Variants in IMPACT observed in about 807,000 individuals in gnomAD.
The protein encoded by IMPACT is protein IMPACT.
A neutral mutation model predicts 47.5 loss-of-function variants in IMPACT; 35 were observed. The observed-to-expected ratio is 0.74, with a 90% CI of 0.56 to 0.98. The LOEUF is 0.98. Among genes scored for constraint, IMPACT ranks in the 50% least tolerant of loss-of-function variants. The pLI is 0.00. For missense variants in IMPACT, 373 were observed against 394.8 expected (o/e 0.94, Z 0.47); for synonymous variants, 118 against 125.6 (o/e 0.94, Z 0.40).
chr18:24,439,571 A>T (rs1217861177), intron 5 of IMPACT: 1 of 143,458 alleles, frequency 7.0e-6, no homozygotes, highest in Non-Finnish European at 1.5e-5. Flanking sequence ...CGGGAGGCGG[A>T]GCCTGCAGTG....
chr18:24,439,501 G>T (rs932188730), intron 5 of IMPACT: 1 of 152,326 alleles, frequency 6.6e-6, no homozygotes. Context: ...GCCGGGCGCG[G>T]TGGCGGGTGC....
chr18:24,435,539 T>G (rs531613310), intron 4 of IMPACT: 5 of 152,166 alleles, frequency 3.3e-5, no homozygotes, highest in Non-Finnish European at 7.3e-5. Flanking sequence ...TTAATGTTGG[T>G]GAGTGAGGCT....
chr18:24,436,986 A>G (rs1232671880), intron 4 of IMPACT, among the ~76,000 whole-genome samples: 1 of 152,226 alleles, frequency 6.6e-6, no homozygotes, highest in Non-Finnish European at 1.5e-5. Flanking sequence ...AACCAATACA[A>G]GTATTTAGTT....
chr18:24,437,510 A>G (rs987879549), intron 4 of IMPACT, among the ~76,000 whole-genome samples: 1 of 152,208 alleles, frequency 6.6e-6, no homozygotes, highest in Non-Finnish European at 1.5e-5. Context: ...TATGCTTTAC[A>G]TTCTTTCTTG....
chr18:24,444,935 A>G (rs1361809913), intron 7 of IMPACT, among the ~76,000 whole-genome samples: 1 of 152,204 alleles, frequency 6.6e-6, no homozygotes, highest in Non-Finnish European at 1.5e-5. Context: ...GAGAACTGCC[A>G]CTTATAAGAC....
chr18:24,445,136 T>G (rs1201345933), intron 7 of IMPACT, among the ~76,000 whole-genome samples: 1 of 152,224 alleles, frequency 6.6e-6, no homozygotes, highest in Admixed American at 6.5e-5. Flanking sequence ...AAACTTTCCC[T>G]TTGACATAGT....
intron 4 of IMPACT, chr18:24,435,686 G>A (rs1393703358): frequency 6.6e-6 from 1 of 152,234 alleles, no homozygotes; most frequent in Non-Finnish European, 1.5e-5. Context: ...GGGTTTTTAA[G>A]GGCCAGGATG....
intron 1 of IMPACT, 169 bp downstream of exon 1, chr18:24,426,961 C>G (rs1486975696): frequency 4.3e-6 from 2 of 466,262 alleles, no homozygotes; most frequent in Non-Finnish European, 3.5e-6. Flanking sequence ...TCCCGTCGGC[C>G]GAGCGCTCTT....
chr18:24,433,412 G>A (rs1337084933), intron 4 of IMPACT, among the ~76,000 whole-genome samples: 4 of 147,966 alleles, frequency 2.7e-5, no homozygotes, highest in South Asian at 2.1e-4. Flanking sequence ...TGTTAGCCAG[G>A]ATGGTCTCGA....
At chr18:24,443,426 C>G (rs977353622) in intron 7 of IMPACT, among the ~76,000 whole-genome samples, 1 of 152,070 alleles carries the variant, frequency 6.6e-6, no homozygotes, top group African/African-American at 2.4e-5. Flanking sequence ...TGCCTCCAGC[C>G]CTCCCAATCC....
intron 7 of IMPACT, among the ~76,000 whole-genome samples, chr18:24,445,111 C>T (rs1909215369): frequency 6.6e-6 from 1 of 152,148 alleles, no homozygotes; most frequent in Admixed American, 6.5e-5. Context: ...ATTTAAAATT[C>T]CCTACATGGG....
At position 24,426,704 on chromosome 18, in the gene IMPACT, C is replaced by A; in HGVS notation, c.-53C>A. On this transcript the variant is annotated 5_prime_UTR_variant, in exon 1 of 11. Coordinates refer to ENST00000284202, the MANE Select transcript of IMPACT (RefSeq NM_018439.4). ...TCGGCTCGCAGCCGCAGCGCCCCGC[C>A]CCCGCGCTCCGGACCTGGCAGGCGG... The A allele has an allele frequency of 8.2e-7, 1 of 1,224,772 alleles. No individual in the cohort carries two copies. Among genetic ancestry groups the A allele is most frequent in the Non-Finnish European group, 1.0e-6 (1 of 978,020 alleles). 75.9% of individuals were successfully genotyped at this position (1,224,772 alleles called of 1,614,324 possible). A position where few individuals can be genotyped will look rare whatever the true frequency, so the allele number is the denominator to read the frequency against.
intron 7 of IMPACT, 22 bp downstream of exon 7, chr18:24,443,174 C>A: frequency 8.8e-7 from 1 of 1,135,060 alleles, no homozygotes; most frequent in Non-Finnish European, 1.3e-6. Flanking sequence ...TTGTCTAGCT[C>A]ACTTTGATGA....
At chr18:24,439,112 A>G (rs629843) in intron 5 of IMPACT, among the ~76,000 whole-genome samples, 139,978 of 152,176 alleles carry the variant, frequency 0.92, 64,575 homozygotes, top group Admixed American at 0.95. Flanking sequence ...TGTTAAGGCC[A>G]TCAGCTGATT....
At chr18:24,448,586 T>G (rs1369483430) in intron 9 of IMPACT, among the ~76,000 whole-genome samples, 1 of 152,072 alleles carries the variant, frequency 6.6e-6, no homozygotes, top group East Asian at 1.9e-4. Flanking sequence ...TGTCTTTATA[T>G]TCTGAGACAT....
At chr18:24,430,490 T>C in intron 4 of IMPACT, 106 bp downstream of exon 4, 2 of 729,328 alleles carry the variant, frequency 2.7e-6, no homozygotes. Flanking sequence ...TTTTTAAAGC[T>C]ACTTCTGCTT....
At chr18:24,444,699 G>C (rs1052854085) in intron 7 of IMPACT, among the ~76,000 whole-genome samples, 5 of 152,168 alleles carry the variant, frequency 3.3e-5, no homozygotes, top group African/African-American at 1.2e-4. Flanking sequence ...AAGGTTGCCA[G>C]ATAAAATACA....
At chr18:24,438,395 G>T (rs1032542814) in intron 5 of IMPACT, among the ~76,000 whole-genome samples, 24 of 152,134 alleles carry the variant, frequency 1.6e-4, no homozygotes, top group Admixed American at 1.3e-4. Flanking sequence ...GAAACCTTGG[G>T]CTGTCCCATT....
At chr18:24,447,989 A>G in intron 8 of IMPACT, 104 bp from the exon 9 acceptor site, 1 of 645,860 alleles carries the variant, frequency 1.5e-6, no homozygotes. Flanking sequence ...AAAAAAATGA[A>G]TATGCTGATT....
Sources: gnomAD v4.1 joint callset for allele counts (sites outside exome capture counted in the v4.1 genomes callset) on GRCh38, gnomAD v4.1.1 for gene constraint, MANE v1.5 for transcripts, NCBI Gene and HGNC (gene_info 2026-07-23, HGNC 2026-07-21) for gene names.